THOC1: variants seen among roughly 807,000 people sequenced by gnomAD.
THOC1 encodes THO complex 1.
THOC1 carries 29 observed loss-of-function variants against 97.3 expected under a neutral mutation model. The ratio of observed to expected loss-of-function variants is 0.30; its 90% CI spans 0.22 to 0.41. THOC1 has a LOEUF of 0.41. Ranked by LOEUF, THOC1 falls within the 10% of genes least tolerant of loss-of-function variation. THOC1 has a pLI of 1.00. For synonymous variants in THOC1, 255 were observed against 257.0 expected, an observed-to-expected ratio of 0.99 and a Z score of 0.07; for missense variants, 529 against 761.9, an observed-to-expected ratio of 0.69 and a Z score of 3.60.
In THOC1 at chr18:224,105, G is replaced by A. The variant is rs764502807; in HGVS notation, c.1283C>T (p.Thr428Ile). ...APEDFLGKGPTKKILMGNEEL... is the reference protein window; with the variant it reads ...APEDFLGKGPIKKILMGNEEL... ...CTACTTTCCCATCAGAATTTTTTTG[G>A]TGGGTCCTTTCCCTAGGAAGTCCTC... Residue 428 changes from threonine to isoleucine, a missense_variant, in exon 16 of 21, where the codon ACC becomes ATC. Physicochemically the swap from Thr to Ile is moderately conservative, Grantham distance 89. Transcript: ENST00000261600. The A allele has an allele frequency of 1.7e-5, 27 of 1,609,102 alleles. No individual in the cohort carries two copies. Among genetic ancestry groups the A allele is most frequent in the African/African-American group, 2.7e-5 (2 of 74,844 alleles).
intron 11 of THOC1, among the ~76,000 whole-genome samples, chr18:233,658 C>G (rs1353980824): frequency 1.3e-5 from 2 of 152,186 alleles, no homozygotes; most frequent in African/African-American, 2.4e-5. Context: ...GTATATTAAC[C>G]TTTTCTACAA....
chr18:229,845 C>T (rs914548024), intron 11 of THOC1, among the ~76,000 whole-genome samples: 2 of 149,926 alleles, frequency 1.3e-5, no homozygotes, highest in East Asian at 1.9e-4. Context: ...CTTCAATCTT[C>T]TCCTCTTCTC....
chr18:249,840 AGT>A (rs1406541217), intron 9 of THOC1, among the ~76,000 whole-genome samples: 1 of 152,230 alleles, frequency 6.6e-6, no homozygotes, highest in African/African-American at 2.4e-5. Flanking sequence ...ACACACACTG[AGT>A]AACAAAATGT....
Position 216,472 on chromosome 18 carries a change from T to C in THOC1, c.1602+14A>G, listed in dbSNP as rs756720385. ...TCAACTAAAGGGTATGAAAAGTTGA[T>C]CTATGGTACTTACCGGTAATTCCTT... On this transcript the variant is annotated intron_variant, in intron 19 of 20. Coordinates refer to ENST00000261600, the MANE Select transcript of THOC1 (RefSeq NM_005131.3). 1.9e-6 allele frequency: 3 copies of C among 1,611,742 alleles called. No individual in the cohort carries two copies. Among genetic ancestry groups the C allele is most frequent in the Non-Finnish European group, 2.5e-6 (3 of 1,178,706 alleles).
In THOC1 at chr18:265,519, T is replaced by C. The variant is rs1034944936; in HGVS notation, c.66A>G (p.Arg22=). Residue 22 remains arginine, a synonymous_variant, in exon 2 of 21, where the codon AGA becomes AGG. Coordinates refer to ENST00000261600, the MANE Select transcript of THOC1 (RefSeq NM_005131.3). ...EARTRFTKST[R]EALNNKNIKP... is the part of the protein sequence containing the mutation. ...TGATGTTTTTGTTGTTCAAGGCCTC[T>C]CTGGTAGACTTCTAAAAAAAAATTA... The C allele has an allele frequency of 1.3e-6, 2 of 1,579,690 alleles. No homozygotes were observed. The highest frequency in any genetic ancestry group is 1.7e-6 in the Non-Finnish European group (2 of 1,164,634).
intron 11 of THOC1, among the ~76,000 whole-genome samples, chr18:227,364 A>G (rs1477122788): frequency 6.6e-6 from 1 of 152,294 alleles, no homozygotes; most frequent in Non-Finnish European, 1.5e-5. Flanking sequence ...ACTTTCTCAC[A>G]TATGAAGAAA....
At position 251,877 on chromosome 18, in the gene THOC1, A is replaced by G. The variant is rs551322679; in HGVS notation, c.677+662T>C. 5.3e-5 allele frequency among the ~76,000 whole-genome samples: 8 copies of G among 152,318 alleles called. No individual in the cohort carries two copies. In the South Asian group the frequency reaches 1.7e-3, roughly 32 times the overall value. Reference sequence around the variant, plus strand: ...GCAAATAATTATCTTACTTGTTTTTATTAATCTTTCTCAAATGCATGTATA... The same window carrying G: ...GCAAATAATTATCTTACTTGTTTTTGTTAATCTTTCTCAAATGCATGTATA... On this transcript the variant is annotated intron_variant, in intron 9 of 20. Transcript: ENST00000261600.
At chr18:265,237 C>A in intron 3 of THOC1, 66 bp downstream of exon 3, 3 of 1,354,518 alleles carry the variant, frequency 2.2e-6, no homozygotes, top group Non-Finnish European at 2.0e-6. Context: ...AGAAAAAAAG[C>A]AATTTTTAAA....
At chr18:217,379 G>A (rs592537) in intron 18 of THOC1, among the ~76,000 whole-genome samples, 25,448 of 152,148 alleles carry the variant, frequency 0.17, 2,411 homozygotes, top group Non-Finnish European at 0.23. Flanking sequence ...GATTATTTTA[G>A]GCATTTTCAA....
In THOC1 at chr18:215,017, T is replaced by G. The variant is rs1910821656; in HGVS notation, c.1679-96A>C. On this transcript the variant is annotated intron_variant, in intron 20 of 20. Coordinates refer to ENST00000261600, the MANE Select transcript of THOC1 (RefSeq NM_005131.3). ...AATAAGTTTTATTAACCACCTTTAG[T>G]AGACTTTATTTTAAAAGTAAACAAT... 4.0e-5 allele frequency: 43 copies of G among 1,071,486 alleles called. 1 individual carries two copies. In the South Asian group the frequency reaches 6.5e-4, roughly 16 times the overall value. The allele number at this position is 1,071,486 out of a possible 1,614,324, so 66.4% of individuals were successfully genotyped here.
At chr18:238,284 G>C (rs1040814989) in intron 11 of THOC1, among the ~76,000 whole-genome samples, 9 of 152,190 alleles carry the variant, frequency 5.9e-5, no homozygotes, top group Non-Finnish European at 1.0e-4. Context: ...GATAAAAGGA[G>C]ATGCCCACTG....
chr18:217,729 AGAG>A (rs2143138113), intron 18 of THOC1, among the ~76,000 whole-genome samples: 1 of 152,282 alleles, frequency 6.6e-6, no homozygotes, highest in African/African-American at 2.4e-5. Context: ...AGAATGCAAA[AGAG>A]GAGACCAGGG....
intron 17 of THOC1, among the ~76,000 whole-genome samples, chr18:221,775 A>AT (rs1314374594): frequency 1.3e-5 from 2 of 151,906 alleles, no homozygotes; most frequent in South Asian, 2.1e-4. Context: ...CACTTGGCTA[A>AT]TTTTTTGTAT....
At chr18:250,466 T>C (rs1298708540) in intron 9 of THOC1, among the ~76,000 whole-genome samples, 3 of 152,260 alleles carry the variant, frequency 2.0e-5, no homozygotes, top group Non-Finnish European at 2.9e-5. Flanking sequence ...CCAGTTACTA[T>C]GTAAAATAGA....
chr18:224,982 T>C lies in THOC1; in HGVS notation c.1150A>G (p.Thr384Ala), dbSNP rs769182418. Residue 384 changes from threonine to alanine, a missense_variant, in exon 15 of 21, where the codon ACT becomes GCT. Thr to Ala is a moderately conservative substitution (Grantham distance 58). Around this residue, in one of 8 missense-constraint regions of THOC1, gnomAD observed 123 missense variants for 159.0 expected, o/e 0.77. Coordinates refer to ENST00000261600, the MANE Select transcript of THOC1 (RefSeq NM_005131.3). ...TTCCACGAGTTCCAGTTTTCTTCAG[T>C]GTTTAATATATGCTGGGAAAAACAA... ...FSKMVEHILN[T>A]EENWNSWKNE... is the part of the protein sequence containing the mutation. The C allele has an allele frequency of 1.7e-5, 27 of 1,572,984 alleles. No homozygotes were observed. The South Asian group carries it at 2.6e-4, about 15-fold the overall frequency.
intron 10 of THOC1, 131 bp downstream of exon 10, chr18:247,718 G>A (rs927007807): frequency 5.0e-6 from 3 of 602,444 alleles, no homozygotes; most frequent in Non-Finnish European, 8.7e-6. Flanking sequence ...AATTTCACTT[G>A]TTATGAAATT....
intron 4 of THOC1, among the ~76,000 whole-genome samples, chr18:261,506 C>T (rs1201060187): frequency 1.3e-5 from 2 of 152,148 alleles, no homozygotes; most frequent in African/African-American, 4.8e-5. Context: ...TACAAGGGAA[C>T]ACACCAATAA....
intron 4 of THOC1, 145 bp downstream of exon 4, chr18:263,881 G>T: frequency 1.6e-6 from 1 of 617,502 alleles, no homozygotes; most frequent in Admixed American, 3.1e-5. Flanking sequence ...ATTCAACTGG[G>T]ACTTCTTGGC....
intron 17 of THOC1, among the ~76,000 whole-genome samples, chr18:222,262 C>A (rs751664920): frequency 9.9e-5 from 15 of 152,070 alleles, no homozygotes; most frequent in Non-Finnish European, 2.1e-4. Flanking sequence ...ACAGTGAATT[C>A]TTGATAAGAT....
Sources: gnomAD v4.1 joint callset for allele counts (sites outside exome capture counted in the v4.1 genomes callset) on GRCh38, gnomAD v4.1.1 for gene constraint, gnomAD v4.1.1 regional missense constraint, MANE v1.5 for transcripts, NCBI Gene and HGNC (gene_info 2026-07-23, HGNC 2026-07-21) for gene names.